ADAMTSL1: variants seen among roughly 807,000 people sequenced by gnomAD.
ADAMTSL1 encodes the protein ADAMTS like 1.
A neutral mutation model predicts 201.8 loss-of-function variants in ADAMTSL1; 126 were observed. That is an observed-to-expected ratio of 0.62 (90% CI 0.54 to 0.72). The LOEUF (loss-of-function observed/expected upper bound fraction) is 0.72. Among genes scored for constraint, ADAMTSL1 ranks in the 30% least tolerant of loss-of-function variants. The probability of loss-of-function intolerance (pLI) is 0.00; values close to 1 mark genes in which losing one functional copy is unlikely to be tolerated. For synonymous variants in ADAMTSL1, 1,121 were observed against 903.4 expected, an observed-to-expected ratio of 1.24 and a Z score of -4.32; for missense variants, 2,679 against 2,277.8, an observed-to-expected ratio of 1.18 and a Z score of -3.59.
At chr9:18,414,488 CA>C (rs1435901501) in intron 2 of ADAMTSL1, among the ~76,000 whole-genome samples, 1 of 151,636 alleles carries the variant, frequency 6.6e-6, no homozygotes, top group Non-Finnish European at 1.5e-5. Context: ...GTGAAACAAC[CA>C]AAAAAACAAA....
At chr9:18,015,720 C>T (rs562661441) in intron 1 of ADAMTSL1, among the ~76,000 whole-genome samples, 1 of 151,954 alleles carries the variant, frequency 6.6e-6, no homozygotes, top group East Asian at 1.9e-4. Flanking sequence ...TAAGCTTCTT[C>T]CCACAAGACC....
chr9:18,539,573 A>T lies in ADAMTSL1; in HGVS notation c.237+6281A>T, dbSNP rs996462966. Among the ~76,000 whole-genome samples, 3 of 152,164 alleles carry T rather than the reference A, an allele frequency of 2.0e-5. No individual in the cohort carries two copies. In the East Asian group the frequency reaches 5.8e-4, roughly 29 times the overall value. ...TTAACATATGTTGAACACTCTTTGA[A>T]CTATTTGATCATGCTGTATTCCTTT... On this transcript the variant is annotated intron_variant, in intron 3 of 28. Coordinates refer to ENST00000380548, the MANE Select transcript of ADAMTSL1 (RefSeq NM_001040272.6).
intron 1 of ADAMTSL1, among the ~76,000 whole-genome samples, chr9:18,155,032 A>C (rs1022966128): frequency 6.6e-6 from 1 of 152,054 alleles, no homozygotes; most frequent in Admixed American, 6.6e-5. Flanking sequence ...TATAAGAATT[A>C]CACTACTTAT....
chr9:18,403,049 C>G (rs1281922734), intron 2 of ADAMTSL1, among the ~76,000 whole-genome samples: 1 of 152,100 alleles, frequency 6.6e-6, no homozygotes, highest in African/African-American at 2.4e-5. Context: ...TAGTAAATGG[C>G]AGAGCTGTGG....
intron 1 of ADAMTSL1, among the ~76,000 whole-genome samples, chr9:18,086,598 A>G (rs1823780864): frequency 6.6e-6 from 1 of 152,200 alleles, no homozygotes; most frequent in Non-Finnish European, 1.5e-5. Context: ...AAGCAGTAAG[A>G]TAAGAACTTG....
At chr9:18,392,108 G>T (rs578188244) in intron 2 of ADAMTSL1, among the ~76,000 whole-genome samples, 1 of 152,218 alleles carries the variant, frequency 6.6e-6, no homozygotes, top group East Asian at 1.9e-4. Flanking sequence ...ACAGGCATGA[G>T]TCACTGCGAC....
At chr9:18,097,457 G>A (rs1563998533) in intron 1 of ADAMTSL1, among the ~76,000 whole-genome samples, 1 of 152,136 alleles carries the variant, frequency 6.6e-6, no homozygotes, top group Non-Finnish European at 1.5e-5. Flanking sequence ...TGGGTCATAT[G>A]GTAACCGTAT....
intron 2 of ADAMTSL1, among the ~76,000 whole-genome samples, chr9:18,437,475 C>T (rs9406750): frequency 6.6e-6 from 1 of 151,890 alleles, no homozygotes; most frequent in African/African-American, 2.4e-5. Context: ...AAATCCTTAA[C>T]TGCCTTCTCA....
At chr9:18,401,404 A>G in intron 2 of ADAMTSL1, among the ~76,000 whole-genome samples, 1 of 152,288 alleles carries the variant, frequency 6.6e-6, no homozygotes. Context: ...GCAGCCTTTC[A>G]GCTTAATCTC....
At chr9:17,970,376 T>C (rs1563925361) in intron 1 of ADAMTSL1, among the ~76,000 whole-genome samples, 1 of 152,048 alleles carries the variant, frequency 6.6e-6, no homozygotes, top group East Asian at 1.9e-4. Context: ...TGTGAGCATC[T>C]ATGCCATTTC....
At chr9:18,898,013 T>C (rs1428947704) in intron 26 of ADAMTSL1, among the ~76,000 whole-genome samples, 2 of 121,728 alleles carry the variant, frequency 1.6e-5, no homozygotes, top group Non-Finnish European at 3.4e-5. Context: ...CCATCTCTAC[T>C]AAAAATATCA....
intron 2 of ADAMTSL1, among the ~76,000 whole-genome samples, chr9:18,165,724 C>T (rs1827600105): frequency 1.3e-5 from 2 of 151,896 alleles, no homozygotes; most frequent in South Asian, 4.1e-4. Context: ...GAAGCTACTT[C>T]AGTCTCCCAA....
chr9:18,764,154 T>C (rs1461233465), intron 16 of ADAMTSL1, among the ~76,000 whole-genome samples: 1 of 152,220 alleles, frequency 6.6e-6, no homozygotes, highest in Non-Finnish European at 1.5e-5. Context: ...TTTTTTGATG[T>C]TCTCTTCAAT....
At chr9:18,768,938 T>C (rs1820521937) in intron 16 of ADAMTSL1, among the ~76,000 whole-genome samples, 1 of 152,188 alleles carries the variant, frequency 6.6e-6, no homozygotes. Context: ...GGGGAAAAAT[T>C]ACTTGGAAGA....
intron 5 of ADAMTSL1, among the ~76,000 whole-genome samples, chr9:18,622,914 G>A (rs929148492): frequency 6.6e-6 from 1 of 152,100 alleles, no homozygotes; most frequent in Admixed American, 6.5e-5. Context: ...GTTTGTTTTT[G>A]ACTGAGTCTC....
At chr9:18,259,334 G>A (rs568658866) in intron 2 of ADAMTSL1, among the ~76,000 whole-genome samples, 1 of 152,190 alleles carries the variant, frequency 6.6e-6, no homozygotes, top group South Asian at 2.1e-4. Flanking sequence ...AGACCAGCCT[G>A]GGCGACACGG....
chr9:18,790,851 G>A (rs1821991326), intron 19 of ADAMTSL1, among the ~76,000 whole-genome samples: 2 of 152,134 alleles, frequency 1.3e-5, no homozygotes, highest in African/African-American at 2.4e-5. Flanking sequence ...GGTCTGGGAG[G>A]AAGTCAAGGA....
intron 2 of ADAMTSL1, among the ~76,000 whole-genome samples, chr9:18,300,274 T>C (rs1489049658): frequency 6.6e-6 from 1 of 152,132 alleles, no homozygotes; most frequent in African/African-American, 2.4e-5. Context: ...TGGAATACTA[T>C]GGAGCCATAA....
chr9:18,424,505 T>C (rs1819113250), intron 2 of ADAMTSL1, among the ~76,000 whole-genome samples: 1 of 152,162 alleles, frequency 6.6e-6, no homozygotes, highest in South Asian at 2.1e-4. Flanking sequence ...ACAAGTACTA[T>C]GGGGTAGATA....
Sources: gnomAD v4.1 joint callset for allele counts (sites outside exome capture counted in the v4.1 genomes callset) on GRCh38, gnomAD v4.1.1 for gene constraint, MANE v1.5 for transcripts, NCBI Gene and HGNC (gene_info 2026-07-23, HGNC 2026-07-21) for gene names.